Variants in PTPRG observed in about 807,000 individuals in gnomAD.
PTPRG encodes the protein protein tyrosine phosphatase receptor type G.
PTPRG carries 102 observed loss-of-function variants against 165.3 expected under a neutral mutation model. The observed-to-expected ratio is 0.62, with a 90% CI of 0.53 to 0.73. The LOEUF (loss-of-function observed/expected upper bound fraction) is 0.73. PTPRG is among the 30% of genes least tolerant of loss of function. The pLI, the probability that PTPRG is intolerant of heterozygous loss-of-function variation, is 0.00. For synonymous variants in PTPRG, 675 were observed against 669.5 expected (o/e 1.01, Z -0.13); for missense variants, 1,866 against 1,861.4 (o/e 1.00, Z -0.05).
chr3:61,975,829 G>A (rs1008812415), intron 2 of PTPRG, among the ~76,000 whole-genome samples: 1 of 151,896 alleles, frequency 6.6e-6, no homozygotes, highest in Non-Finnish European at 1.5e-5. Flanking sequence ...ATTTTATGTC[G>A]ATCACAAATT....
intron 2 of PTPRG, chr3:61,749,838 T>C (rs1398149604): frequency 6.6e-6 from 1 of 152,306 alleles, no homozygotes; most frequent in African/African-American, 2.4e-5. Flanking sequence ...TTAGTCTTAA[T>C]AATAAATCTA....
intron 1 of PTPRG, among the ~76,000 whole-genome samples, chr3:61,628,870 T>C (rs1701688791): frequency 6.6e-6 from 1 of 152,180 alleles, no homozygotes; most frequent in Non-Finnish European, 1.5e-5. Flanking sequence ...TTGAGTAACT[T>C]GATCACAGTC....
intron 1 of PTPRG, among the ~76,000 whole-genome samples, chr3:61,576,798 T>C (rs567615356): frequency 3.3e-5 from 5 of 152,318 alleles, no homozygotes; most frequent in South Asian, 2.1e-4. Context: ...CACATTTGTT[T>C]ATTCAGAAAA....
At chr3:61,625,855 C>T (rs1207061152) in intron 1 of PTPRG, among the ~76,000 whole-genome samples, 1 of 152,166 alleles carries the variant, frequency 6.6e-6, no homozygotes, top group Non-Finnish European at 1.5e-5. Context: ...TTTACTGTTG[C>T]AGAACTTACT....
chr3:61,755,299 C>T (rs550211569), intron 2 of PTPRG, among the ~76,000 whole-genome samples: 27 of 152,238 alleles, frequency 1.8e-4, no homozygotes, highest in African/African-American at 6.5e-4. Flanking sequence ...TGAGCCACTG[C>T]GCCCAGCCCT....
chr3:61,660,903 G>A (rs563131343), intron 1 of PTPRG, among the ~76,000 whole-genome samples: 1 of 152,246 alleles, frequency 6.6e-6, no homozygotes, highest in South Asian at 2.1e-4. Flanking sequence ...TCAGGAGGCT[G>A]AGGCATGAGA....
intron 4 of PTPRG, among the ~76,000 whole-genome samples, chr3:62,024,686 G>GA (rs2041768176): frequency 6.6e-6 from 1 of 152,138 alleles, no homozygotes; most frequent in Non-Finnish European, 1.5e-5. Context: ...GGTTTTTAAA[G>GA]AAAGTAAACA....
At chr3:61,864,706 C>T (rs1346872048) in intron 2 of PTPRG, among the ~76,000 whole-genome samples, 1 of 152,146 alleles carries the variant, frequency 6.6e-6, no homozygotes, top group Non-Finnish European at 1.5e-5. Context: ...ATTCCAATAA[C>T]ACAGGCGTTT....
At position 62,269,134 on chromosome 3, in the gene PTPRG, C is replaced by T. The variant is rs772358512; in HGVS notation, c.2974C>T (p.Arg992Cys). 11 of 1,594,088 alleles carry T rather than the reference C, an allele frequency of 6.9e-6. No homozygotes were observed. Among genetic ancestry groups the T allele is most frequent in the East Asian group, 2.2e-5 (1 of 44,490 alleles). ...AAAAATACATGCCTGCTACACTGTT[C>T]GTCGTTTTTCAATCAGAAATACAAA... ...STKIHACYTV[R>C]RFSIRNTKVK... The change falls in exon 20 of 30, where the codon CGT becomes TGT. Residue 992 changes from arginine (R) to cysteine (C), a missense_variant. By Grantham distance (180) the Arg-to-Cys change is radical. Coordinates refer to ENST00000474889, the MANE Select transcript of PTPRG (RefSeq NM_002841.4).
intron 2 of PTPRG, chr3:61,926,035 A>G (rs72884106): frequency 8.0e-4 from 355 of 442,516 alleles, no homozygotes; most frequent in Non-Finnish European, 1.3e-3. Flanking sequence ...TGTAACTACT[A>G]TATCAGAATA....
At chr3:61,639,273 G>T (rs540225118) in intron 1 of PTPRG, among the ~76,000 whole-genome samples, 47 of 152,232 alleles carry the variant, frequency 3.1e-4, no homozygotes, top group African/African-American at 1.1e-3. Flanking sequence ...GTATGTGTTG[G>T]TTTTTGTAAT....
At chr3:61,704,812 T>C (rs967949465) in intron 1 of PTPRG, among the ~76,000 whole-genome samples, 2 of 152,230 alleles carry the variant, frequency 1.3e-5, no homozygotes, top group Non-Finnish European at 2.9e-5. Context: ...ATATACTTTC[T>C]GAGATGAACT....
chr3:61,618,335 A>G (rs1368452139), intron 1 of PTPRG, among the ~76,000 whole-genome samples: 2 of 152,204 alleles, frequency 1.3e-5, no homozygotes, highest in African/African-American at 4.8e-5. Flanking sequence ...AAGTCTCACA[A>G]GCTTAGACTC....
chr3:62,281,773 A>G, intron 27 of PTPRG, 64 bp downstream of exon 27: 3 of 1,420,360 alleles, frequency 2.1e-6, no homozygotes, highest in Non-Finnish European at 2.8e-6. Context: ...ATTCTAAGTA[A>G]TAATGAAATA....
chr3:61,925,743 T>TAAAA (rs35919403), intron 2 of PTPRG: 3 of 331,446 alleles, frequency 9.1e-6, no homozygotes, highest in African/African-American at 4.5e-5. Context: ...ACTCTATCTT[T>TAAAA]AAAAAAAAAA....
chr3:61,668,977 A>C (rs1372958232), intron 1 of PTPRG, among the ~76,000 whole-genome samples: 1 of 152,202 alleles, frequency 6.6e-6, no homozygotes, highest in East Asian at 1.9e-4. Flanking sequence ...TACTTTTTAA[A>C]GCTCATTTAT....
At chr3:62,007,744 A>G (rs2041329940) in intron 4 of PTPRG, among the ~76,000 whole-genome samples, 1 of 152,222 alleles carries the variant, frequency 6.6e-6, no homozygotes. Context: ...TAGGGGATGG[A>G]AGCTTTCAAT....
chr3:61,600,450 G>A (rs12715572), intron 1 of PTPRG, among the ~76,000 whole-genome samples: 36,865 of 151,906 alleles, frequency 0.24, 4,534 homozygotes, highest in East Asian at 0.31. Flanking sequence ...GGATTTGTCA[G>A]GGGTAATTTT....
intron 1 of PTPRG, among the ~76,000 whole-genome samples, chr3:61,714,725 T>G (rs2031728033): frequency 6.6e-6 from 1 of 152,192 alleles, no homozygotes. Context: ...GCTGCCTTTC[T>G]GTCATTTGTT....
Sources: allele counts gnomAD v4.1 joint callset (sites outside exome capture counted in the v4.1 genomes callset), GRCh38; gene constraint gnomAD v4.1.1; transcripts MANE v1.5; gene names NCBI Gene and HGNC (gene_info 2026-07-23, HGNC 2026-07-21).